Variants in GBA1 observed in about 807,000 individuals in gnomAD.
GBA1 encodes the protein glucosylceramidase beta 1.
chr1:155,238,238 T>A, the GBA1 span: 38 of 1,613,726 alleles, frequency 2.4e-5, 1 homozygote, highest in South Asian at 4.2e-4. Flanking sequence ...AAGTGGGTGA[T>A]GTCCAGGGGC....
chr1:155,243,610 G>A, the GBA1 span, among the ~76,000 whole-genome samples: 5 of 152,028 alleles, frequency 3.3e-5, no homozygotes, highest in Non-Finnish European at 7.4e-5. Context: ...GACTATAGGC[G>A]CACACCACCA....
chr1:155,237,495 C>G, the GBA1 span: 1 of 1,614,006 alleles, frequency 6.2e-7, no homozygotes, highest in Non-Finnish European at 8.5e-7. Flanking sequence ...GAAGGGGTAT[C>G]CACTCAACAG....
chr1:155,237,037 TTTTTTTGTA>T, the GBA1 span, among the ~76,000 whole-genome samples: 89 of 151,924 alleles, frequency 5.9e-4, no homozygotes, highest in Non-Finnish European at 1.0e-3. Context: ...GATAATTTTT[TTTTTTTGTA>T]TTTTAGTAGA....
the GBA1 span, chr1:155,237,877 G>C: frequency 3.1e-6 from 2 of 645,398 alleles, no homozygotes; most frequent in Non-Finnish European, 2.6e-6. Flanking sequence ...ACTCCAGCCT[G>C]GGTGACAGAG....
the GBA1 span, chr1:155,241,422 T>C: frequency 4.2e-6 from 2 of 478,838 alleles, no homozygotes; most frequent in Non-Finnish European, 7.5e-6. Flanking sequence ...AGGAAGAGCC[T>C]AGAACACAGA....
chr1:155,236,114 GT>G, the GBA1 span: 1 of 853,058 alleles, frequency 1.2e-6, no homozygotes, highest in Non-Finnish European at 1.9e-6. Context: ...GGGAATCATG[GT>G]TCCCCAGAGT....
the GBA1 span, chr1:155,238,937 G>A: frequency 2.3e-6 from 1 of 431,554 alleles, no homozygotes; most frequent in African/African-American, 2.0e-5. Context: ...AAAGGGCAAA[G>A]AAAAGTGTCA....
At chr1:155,242,738 G>C in the GBA1 span, among the ~76,000 whole-genome samples, 3 of 151,388 alleles carry the variant, frequency 2.0e-5, no homozygotes, top group Non-Finnish European at 4.4e-5. Context: ...GATTACAGGA[G>C]CCCACCACCA....
the GBA1 span, chr1:155,240,981 A>C: frequency 8.9e-7 from 1 of 1,123,714 alleles, no homozygotes; most frequent in South Asian, 1.2e-5. Flanking sequence ...TTGCTCAAAG[A>C]GCCATGATGG....
chr1:155,236,383 G>C, the GBA1 span: 6 of 1,614,144 alleles, frequency 3.7e-6, no homozygotes, highest in Non-Finnish European at 5.1e-6. Flanking sequence ...TCTCCCCTAG[G>C]GTGGCTTTGG....
At chr1:155,241,492 A>G in the GBA1 span, among the ~76,000 whole-genome samples, 1 of 152,200 alleles carries the variant, frequency 6.6e-6, no homozygotes. Flanking sequence ...CACAGCAGGC[A>G]CACTTCTTTT....
chr1:155,241,417 G>T, the GBA1 span: 4 of 500,830 alleles, frequency 8.0e-6, no homozygotes, highest in Admixed American at 3.4e-5. Context: ...ACTTTAGGAA[G>T]AGCCTAGAAC....
At chr1:155,237,015 C>A in the GBA1 span, among the ~76,000 whole-genome samples, 7 of 145,786 alleles carry the variant, frequency 4.8e-5, no homozygotes, top group Admixed American at 2.0e-4. Context: ...CAGACACCCA[C>A]CATCATGCCC....
chr1:155,239,935 TCGC>T, the GBA1 span: 1 of 1,614,090 alleles, frequency 6.2e-7, no homozygotes, highest in Non-Finnish European at 8.5e-7. Context: ...GCTCCATCCG[TCGC>T]CCACTGCGTG....
At chr1:155,236,620 C>T in the GBA1 span, 1 of 711,600 alleles carries the variant, frequency 1.4e-6, no homozygotes, top group Non-Finnish European at 2.5e-6. Flanking sequence ...CAGGATGTCA[C>T]TCTGTCACTC....
chr1:155,237,323 T>C, the GBA1 span: 24 of 1,613,786 alleles, frequency 1.5e-5, no homozygotes, highest in Non-Finnish European at 1.8e-5. Context: ...TGGAGCACCA[T>C]GGAGGTCCAG....
chr1:155,235,772 C>A, the GBA1 span: 16 of 1,614,120 alleles, frequency 9.9e-6, no homozygotes. Context: ...AAGTTACGCA[C>A]CCAATTGGGT....
At chr1:155,237,783 T>A in the GBA1 span, 1 of 1,045,336 alleles carries the variant, frequency 9.6e-7, no homozygotes, top group Non-Finnish European at 1.4e-6. Context: ...GCGCCTATAA[T>A]CCCAGCTACT....
the GBA1 span, chr1:155,239,687 G>A: frequency 6.2e-7 from 1 of 1,614,170 alleles, no homozygotes; most frequent in South Asian, 1.1e-5. Flanking sequence ...GTTGAGAGCA[G>A]CAGCATCTGT....
Sources: allele counts gnomAD v4.1 joint callset (sites outside exome capture counted in the v4.1 genomes callset), GRCh38; gene constraint gnomAD v4.1.1; transcripts MANE v1.5; gene names NCBI Gene and HGNC (gene_info 2026-07-23, HGNC 2026-07-21).